PTPRK: variants seen among roughly 807,000 people sequenced by gnomAD.
PTPRK encodes receptor-type tyrosine-protein phosphatase kappa.
PTPRK carries 75 observed loss-of-function variants against 178.0 expected under a neutral mutation model. That is an observed-to-expected ratio of 0.42 (90% CI 0.35 to 0.51). The LOEUF (loss-of-function observed/expected upper bound fraction) is 0.51, where lower values mean the gene tolerates loss of function less well. Among genes scored for constraint, PTPRK ranks in the 20% least tolerant of loss-of-function variants. PTPRK has a pLI of 0.02. For synonymous variants in PTPRK, 637 were observed against 620.6 expected (o/e 1.03, Z -0.39); for missense variants, 1,441 against 1,797.8 (o/e 0.80, Z 3.59).
At chr6:128,231,132 A>C (rs570601275) in intron 5 of PTPRK, among the ~76,000 whole-genome samples, 1 of 152,348 alleles carries the variant, frequency 6.6e-6, no homozygotes, top group African/African-American at 2.4e-5. Flanking sequence ...AATGCCAGAA[A>C]GCAGAAGAAA....
chr6:128,451,275 T>C (rs960702031), intron 1 of PTPRK, among the ~76,000 whole-genome samples: 2 of 152,196 alleles, frequency 1.3e-5, no homozygotes, highest in African/African-American at 4.8e-5. Flanking sequence ...TTCCAAATCA[T>C]GCATAGGTAA....
chr6:128,004,028 C>A (rs1254209997), intron 15 of PTPRK, among the ~76,000 whole-genome samples: 2 of 151,838 alleles, frequency 1.3e-5, no homozygotes, highest in East Asian at 1.9e-4. Context: ...AAAAAAACTT[C>A]CCTCTTTACA....
Position 128,102,971 on chromosome 6 carries a change from G to A in PTPRK, c.1163-12979C>T, listed in dbSNP as rs868711829. On this transcript the variant is annotated intron_variant, in intron 7 of 29. Transcript: ENST00000368226. ...GCCCCACCCTCAAGCCTGGAAACAC[G>A]TGGCCCTAAATGGAAACAGGTATTC... Among the ~76,000 whole-genome samples, 14 of 152,260 alleles carry A rather than the reference G, an allele frequency of 9.2e-5. 1 individual carries two copies. Among genetic ancestry groups the A allele is most frequent in the East Asian group, 1.9e-4 (1 of 5,168 alleles).
chr6:128,071,262 T>C (rs1292334701), intron 11 of PTPRK, among the ~76,000 whole-genome samples: 1 of 152,122 alleles, frequency 6.6e-6, no homozygotes, highest in East Asian at 1.9e-4. Flanking sequence ...ATGTATACTT[T>C]CTTTTCAACT....
At chr6:128,122,544 T>A (rs547890639) in intron 7 of PTPRK, among the ~76,000 whole-genome samples, 36 of 152,276 alleles carry the variant, frequency 2.4e-4, no homozygotes, top group Admixed American at 2.0e-4. Flanking sequence ...AGTAGAATCC[T>A]CAGGTTCCAT....
chr6:128,448,223 C>T (rs1040235407), intron 1 of PTPRK, among the ~76,000 whole-genome samples: 1 of 152,158 alleles, frequency 6.6e-6, no homozygotes, highest in Non-Finnish European at 1.5e-5. Context: ...AGATACTTCA[C>T]AAATGCTTCT....
chr6:128,283,695 T>C (rs1583892003), intron 3 of PTPRK, among the ~76,000 whole-genome samples: 1 of 152,104 alleles, frequency 6.6e-6, no homozygotes, highest in East Asian at 1.9e-4. Context: ...TCAAGAGCAT[T>C]TATTATATTA....
intron 1 of PTPRK, among the ~76,000 whole-genome samples, chr6:128,501,417 A>ACACACACC (rs1562650930): frequency 6.6e-6 from 1 of 151,236 alleles, no homozygotes; most frequent in African/African-American, 2.4e-5. Flanking sequence ...ACACACACAC[A>ACACACACC]CCCTTCCCAT....
At chr6:128,206,640 T>G (rs954656122) in intron 6 of PTPRK, among the ~76,000 whole-genome samples, 1 of 152,162 alleles carries the variant, frequency 6.6e-6, no homozygotes, top group Non-Finnish European at 1.5e-5. Flanking sequence ...TGATACATTT[T>G]TTGTGTTCAT....
At chr6:128,481,903 G>T (rs1852133968) in intron 1 of PTPRK, among the ~76,000 whole-genome samples, 1 of 152,004 alleles carries the variant, frequency 6.6e-6, no homozygotes, top group Non-Finnish European at 1.5e-5. Context: ...ACAAAGGCTG[G>T]CTAACTAAAT....
intron 6 of PTPRK, among the ~76,000 whole-genome samples, chr6:128,215,130 T>G (rs969009985): frequency 6.6e-6 from 1 of 152,088 alleles, no homozygotes; most frequent in Non-Finnish European, 1.5e-5. Context: ...GTTTCACAGG[T>G]AAAAATGATA....
In PTPRK at chr6:128,344,940, A is replaced by G. The variant is rs192038211; in HGVS notation, c.224-22630T>C. On this transcript the variant is annotated intron_variant, in intron 2 of 29. Coordinates refer to ENST00000368226, the MANE Select transcript of PTPRK (RefSeq NM_002844.4). ...CTAGAGAAAACAATTTGATTATATG[A>G]TAAAGGGTAAAAAGTTACCTGGGGA... Among the ~76,000 whole-genome samples, 18 of 152,160 alleles carry G rather than the reference A, an allele frequency of 1.2e-4. No homozygotes were observed. In the East Asian group the frequency reaches 3.5e-3, roughly 29 times the overall value.
chr6:128,514,713 G>A (rs772864707), intron 1 of PTPRK, among the ~76,000 whole-genome samples: 27 of 152,040 alleles, frequency 1.8e-4, no homozygotes, highest in Non-Finnish European at 3.4e-4. Context: ...AACACACGAA[G>A]GAGAATGCCA....
Position 127,996,796 on chromosome 6 carries a change from G to T in PTPRK, c.2767+105C>A, listed in dbSNP as rs149667749. 1.6e-5 allele frequency: 21 copies of T among 1,349,494 alleles called. No individual in the cohort carries two copies. In the East Asian group the frequency reaches 5.1e-4, roughly 33 times the overall value. The allele number at this position is 1,349,494 out of a possible 1,614,324, so 83.6% of individuals were successfully genotyped here. A position where few individuals can be genotyped will look rare whatever the true frequency, so the allele number is the denominator to read the frequency against. Reference sequence around the variant, plus strand: ...GTAAATGCTGTTTTAATATTAAATAGATTACTTCATAAACAGACACACCAC... The same window carrying T: ...GTAAATGCTGTTTTAATATTAAATATATTACTTCATAAACAGACACACCAC... On this transcript the variant is annotated intron_variant, in intron 17 of 29. Transcript: ENST00000368226.
In PTPRK at chr6:128,520,233, G is replaced by C. The variant is rs566138262; in HGVS notation, c.100+26C>G. On this transcript the variant is annotated intron_variant, in intron 1 of 29. Coordinates refer to ENST00000368226, the MANE Select transcript of PTPRK (RefSeq NM_002844.4). ...CGTGAGCCCAGGACTCCAGGCGTTCGTCGGGGACGCCCCCCGGCCACTCAC... is the reference window on the plus strand; with the variant it reads ...CGTGAGCCCAGGACTCCAGGCGTTCCTCGGGGACGCCCCCCGGCCACTCAC... The C allele has an allele frequency of 4.5e-6, 7 of 1,557,690 alleles. No individual in the cohort carries two copies. In the South Asian group the frequency reaches 5.9e-5, roughly 13 times the overall value.
chr6:128,087,206 C>A (rs894465768), intron 8 of PTPRK, among the ~76,000 whole-genome samples: 1 of 151,962 alleles, frequency 6.6e-6, no homozygotes, highest in African/African-American at 2.4e-5. Flanking sequence ...GAAAGAAGGG[C>A]AAACTAACAA....
chr6:128,015,016 G>C (rs1231167955), intron 13 of PTPRK, among the ~76,000 whole-genome samples: 1 of 151,566 alleles, frequency 6.6e-6, no homozygotes, highest in African/African-American at 2.4e-5. Flanking sequence ...TTCTGATGTG[G>C]AAAATAGTGC....
chr6:128,274,016 GA>G (rs1465802479), intron 3 of PTPRK, among the ~76,000 whole-genome samples: 1 of 152,016 alleles, frequency 6.6e-6, no homozygotes, highest in African/African-American at 2.4e-5. Flanking sequence ...TGGTAAGAGT[GA>G]AAACAACAGA....
Position 128,346,265 on chromosome 6 carries a change from T to C in PTPRK, c.224-23955A>G, listed in dbSNP as rs573030924. Among the ~76,000 whole-genome samples the C allele has an allele frequency of 3.3e-5, 5 of 152,152 alleles. No homozygotes were observed. In the East Asian group the frequency reaches 9.7e-4, roughly 29 times the overall value. Reference sequence around the variant, plus strand: ...ATTAAAAATCTGAAAATCATAGAATTTAAGTGACATGTAGAAAAAATATTA... The same window carrying C: ...ATTAAAAATCTGAAAATCATAGAATCTAAGTGACATGTAGAAAAAATATTA... On this transcript the variant is annotated intron_variant, in intron 2 of 29. Transcript: ENST00000368226.
Sources: allele counts gnomAD v4.1 joint callset (sites outside exome capture counted in the v4.1 genomes callset), GRCh38; gene constraint gnomAD v4.1.1; transcripts MANE v1.5; gene names NCBI Gene and HGNC (gene_info 2026-07-23, HGNC 2026-07-21).